EXOC6B: variants seen among roughly 807,000 people sequenced by gnomAD.
The protein encoded by EXOC6B is exocyst complex component 6B, also known as SEC15 homolog B.
A neutral mutation model predicts 113.5 loss-of-function variants in EXOC6B; 54 were observed. That is an observed-to-expected ratio of 0.48 (90% confidence interval 0.38 to 0.60). The LOEUF (loss-of-function observed/expected upper bound fraction) is 0.60. EXOC6B is among the 20% of genes least tolerant of loss of function. The pLI is 0.00. For missense variants in EXOC6B, 797 were observed against 977.5 expected (o/e 0.82, Z 2.46); for synonymous variants, 357 against 339.0 (o/e 1.05, Z -0.58).
intron 19 of EXOC6B, among the ~76,000 whole-genome samples, chr2:72,342,070 A>T (rs6546765): frequency 0.12 from 18,327 of 152,116 alleles, 1,200 homozygotes; most frequent in African/African-American, 0.18. Flanking sequence ...TCAAAACTTA[A>T]GGGATGCATA....
At chr2:72,471,776 T>G (rs1048762789) in intron 17 of EXOC6B, among the ~76,000 whole-genome samples, 46 of 152,176 alleles carry the variant, frequency 3.0e-4, no homozygotes, top group Admixed American at 1.3e-4. Flanking sequence ...ATCCTTGTCC[T>G]GGGGAATGGT....
At chr2:72,286,417 A>T (rs972031198) in intron 20 of EXOC6B, among the ~76,000 whole-genome samples, 2 of 152,200 alleles carry the variant, frequency 1.3e-5, no homozygotes. Context: ...ATACTACATG[A>T]TTCCAACTAC....
At chr2:72,476,877 C>A (rs1013697720) in intron 17 of EXOC6B, among the ~76,000 whole-genome samples, 1 of 152,306 alleles carries the variant, frequency 6.6e-6, no homozygotes, top group East Asian at 1.9e-4. Context: ...AATCTTTGCA[C>A]ATGAAGTTAA....
chr2:72,764,199 C>A (rs1331703017), intron 1 of EXOC6B, among the ~76,000 whole-genome samples: 1 of 151,522 alleles, frequency 6.6e-6, no homozygotes, highest in Non-Finnish European at 1.5e-5. Context: ...CATATCATTC[C>A]TTTTCCTCTC....
intron 18 of EXOC6B, among the ~76,000 whole-genome samples, chr2:72,439,976 CTCGAAT>C (rs1696102824): frequency 6.6e-6 from 1 of 152,010 alleles, no homozygotes; most frequent in Non-Finnish European, 1.5e-5. Context: ...CCCTAGGCAC[CTCGAAT>C]TTTTGGGTAC....
intron 6 of EXOC6B, among the ~76,000 whole-genome samples, chr2:72,604,907 G>A (rs1009847653): frequency 6.6e-6 from 1 of 151,982 alleles, no homozygotes; most frequent in Admixed American, 6.6e-5. Flanking sequence ...ATAATTCAAT[G>A]GTACATGTGT....
intron 8 of EXOC6B, among the ~76,000 whole-genome samples, chr2:72,551,471 C>T (rs1417957690): frequency 1.3e-5 from 2 of 151,050 alleles, no homozygotes; most frequent in South Asian, 2.1e-4. Flanking sequence ...GCTAGGATTA[C>T]AGGCGTGAGC....
chr2:72,522,962 C>A (rs1573318880), intron 8 of EXOC6B, among the ~76,000 whole-genome samples: 1 of 152,246 alleles, frequency 6.6e-6, no homozygotes, highest in East Asian at 1.9e-4. Context: ...TGTCACCATA[C>A]AAATGCTAGA....
At chr2:72,508,650 T>C (rs1347625598) in intron 11 of EXOC6B, among the ~76,000 whole-genome samples, 1 of 152,066 alleles carries the variant, frequency 6.6e-6, no homozygotes, top group African/African-American at 2.4e-5. Context: ...GGCAGGCACC[T>C]GTAATTCCAG....
intron 20 of EXOC6B, among the ~76,000 whole-genome samples, chr2:72,196,102 A>G (rs1366156312): frequency 2.0e-5 from 3 of 152,198 alleles, no homozygotes; most frequent in Admixed American, 6.5e-5. Flanking sequence ...AATGTCTTTT[A>G]CCAACAGTGA....
chr2:72,201,998 C>A (rs1324823055), intron 20 of EXOC6B, among the ~76,000 whole-genome samples: 2 of 152,158 alleles, frequency 1.3e-5, no homozygotes, highest in African/African-American at 2.4e-5. Flanking sequence ...CTCAAAGATG[C>A]TAGGATGGAA....
At chr2:72,742,463 C>A (rs1681385817) in intron 1 of EXOC6B, among the ~76,000 whole-genome samples, 1 of 152,130 alleles carries the variant, frequency 6.6e-6, no homozygotes, top group South Asian at 2.1e-4. Flanking sequence ...CCAAGCACAG[C>A]CTATACATGT....
chr2:72,767,350 G>A (rs1010166876), intron 1 of EXOC6B, among the ~76,000 whole-genome samples: 14 of 152,096 alleles, frequency 9.2e-5, no homozygotes, highest in Admixed American at 9.2e-4. Context: ...AGAATCGCTT[G>A]AAACCGGGAG....
intron 18 of EXOC6B, among the ~76,000 whole-genome samples, chr2:72,411,115 G>A (rs1694154171): frequency 1.3e-5 from 2 of 152,292 alleles, no homozygotes; most frequent in Admixed American, 6.5e-5. Context: ...AGGTGGAGGT[G>A]TGGGAGGGTC....
chr2:72,575,697 C>T, intron 6 of EXOC6B, 29 bp from the exon 7 acceptor site: 2 of 1,491,130 alleles, frequency 1.3e-6, no homozygotes, highest in Non-Finnish European at 1.8e-6. Context: ...CACACAAACA[C>T]ACCAAAAAGG....
intron 11 of EXOC6B, among the ~76,000 whole-genome samples, chr2:72,500,839 A>C (rs1700280837): frequency 6.6e-6 from 1 of 152,162 alleles, no homozygotes; most frequent in Non-Finnish European, 1.5e-5. Flanking sequence ...GTCCTGAAAG[A>C]GGTGTTTTGA....
chr2:72,644,768 G>C (rs1673564411), intron 6 of EXOC6B, among the ~76,000 whole-genome samples: 1 of 151,714 alleles, frequency 6.6e-6, no homozygotes, highest in South Asian at 2.1e-4. Flanking sequence ...TGGCCTGCCT[G>C]ATAAGAGCTC....
chr2:72,309,859 G>A (rs780407574), intron 20 of EXOC6B, among the ~76,000 whole-genome samples: 1 of 152,052 alleles, frequency 6.6e-6, no homozygotes, highest in Non-Finnish European at 1.5e-5. Flanking sequence ...TGTCTCTATG[G>A]ATTTGCCTAT....
At chr2:72,245,443 CAA>C (rs1559053998) in intron 20 of EXOC6B, among the ~76,000 whole-genome samples, 1 of 152,120 alleles carries the variant, frequency 6.6e-6, no homozygotes, top group South Asian at 2.1e-4. Context: ...TATGGACAGA[CAA>C]ACTGATACAT....
Sources: gnomAD v4.1 joint callset for allele counts (sites outside exome capture counted in the v4.1 genomes callset) on GRCh38, gnomAD v4.1.1 for gene constraint, MANE v1.5 for transcripts, NCBI Gene and HGNC (gene_info 2026-07-23, HGNC 2026-07-21) for gene names.